PTPRD: variants seen among roughly 807,000 people sequenced by gnomAD.
The protein encoded by PTPRD is protein tyrosine phosphatase receptor type D.
In PTPRD, 34 loss-of-function variants were observed where a neutral mutation model predicts 214.5. That is an observed-to-expected ratio of 0.16 (90% CI 0.12 to 0.21). The LOEUF (loss-of-function observed/expected upper bound fraction) is 0.21, where lower values mean the gene tolerates loss of function less well. Ranked by LOEUF, PTPRD falls within the 10% of genes least tolerant of loss-of-function variation. The pLI, the probability that PTPRD is intolerant of heterozygous loss-of-function variation, is 1.00. For synonymous variants in PTPRD, 1,128 were observed against 845.7 expected (o/e 1.33, Z -5.79); for missense variants, 2,545 against 2,398.7 (o/e 1.06, Z -1.27).
intron 5 of PTPRD, among the ~76,000 whole-genome samples, chr9:9,781,661 G>A (rs993847705): frequency 6.6e-6 from 1 of 152,128 alleles, no homozygotes; most frequent in African/African-American, 2.4e-5. Flanking sequence ...AACTTTTGGA[G>A]TTTAGCCTTA....
chr9:9,318,526 A>G (rs1158098762), intron 9 of PTPRD, among the ~76,000 whole-genome samples: 1 of 152,208 alleles, frequency 6.6e-6, no homozygotes, highest in African/African-American at 2.4e-5. Flanking sequence ...TACAAAATGT[A>G]ATACTACTAG....
At chr9:8,582,557 G>T (rs1489230469) in intron 14 of PTPRD, among the ~76,000 whole-genome samples, 1 of 151,404 alleles carries the variant, frequency 6.6e-6, no homozygotes, top group Non-Finnish European at 1.5e-5. Context: ...TGAGAACAAT[G>T]ATATAATAGG....
At chr9:9,623,123 C>T (rs1364172453) in intron 7 of PTPRD, among the ~76,000 whole-genome samples, 1 of 152,124 alleles carries the variant, frequency 6.6e-6, no homozygotes, top group Non-Finnish European at 1.5e-5. Flanking sequence ...ATATATGTTG[C>T]CTTTCACAAT....
chr9:10,029,406 G>A (rs1367179041), intron 4 of PTPRD, among the ~76,000 whole-genome samples: 1 of 152,192 alleles, frequency 6.6e-6, no homozygotes, highest in Non-Finnish European at 1.5e-5. Context: ...AAAAGCCACA[G>A]ACACTCAATG....
chr9:8,540,029 C>A (rs1477299598), intron 14 of PTPRD, among the ~76,000 whole-genome samples: 1 of 152,046 alleles, frequency 6.6e-6, no homozygotes, highest in Non-Finnish European at 1.5e-5. Context: ...TTGTATAAAT[C>A]TGAGTATTTG....
At chr9:8,630,531 T>C (rs920747797) in intron 14 of PTPRD, among the ~76,000 whole-genome samples, 5 of 152,008 alleles carry the variant, frequency 3.3e-5, no homozygotes, top group Non-Finnish European at 4.4e-5. Flanking sequence ...ATTTTAAGAT[T>C]ATGTTTAGAC....
At chr9:9,968,293 A>G (rs1161169959) in intron 4 of PTPRD, among the ~76,000 whole-genome samples, 1 of 152,186 alleles carries the variant, frequency 6.6e-6, no homozygotes, top group Non-Finnish European at 1.5e-5. Flanking sequence ...AAAAGTGATA[A>G]TGACATTTCT....
rs563185070 is a variant in PTPRD, at chr9:10,230,743, T to C, written c.-545+110220A>G. 6.6e-5 allele frequency among the ~76,000 whole-genome samples: 10 copies of C among 152,142 alleles called. No individual in the cohort carries two copies. The South Asian group carries it at 1.5e-3, about 22-fold the overall frequency. On this transcript the variant is annotated intron_variant, in intron 3 of 45. Transcript: ENST00000381196. The stretch of plus-strand genomic sequence containing the variant: ...AGTTAAGGCACAGGATATAAAACTA[T>C]GTTCATTATGTGTACCAACCTATAA...
chr9:9,842,146 G>T (rs2058478591), intron 5 of PTPRD, among the ~76,000 whole-genome samples: 1 of 151,808 alleles, frequency 6.6e-6, no homozygotes, highest in Non-Finnish European at 1.5e-5. Flanking sequence ...AAACTAAGAA[G>T]AATATTGAGA....
At chr9:8,382,575 A>G (rs1046242470) in intron 37 of PTPRD, among the ~76,000 whole-genome samples, 1 of 152,226 alleles carries the variant, frequency 6.6e-6, no homozygotes, top group Non-Finnish European at 1.5e-5. Flanking sequence ...AACAAACAGC[A>G]AGAAATTGGT....
chr9:8,648,495 G>C (rs1470450146), intron 12 of PTPRD, among the ~76,000 whole-genome samples: 4 of 152,194 alleles, frequency 2.6e-5, no homozygotes, highest in Admixed American at 1.3e-4. Context: ...TTATGCCATA[G>C]TCATGCATTC....
chr9:8,986,677 T>G (rs1163037371), intron 11 of PTPRD, among the ~76,000 whole-genome samples: 2 of 152,082 alleles, frequency 1.3e-5, no homozygotes, highest in Non-Finnish European at 2.9e-5. Context: ...AACACAAATT[T>G]TGTAAAAACT....
At chr9:8,636,970 T>A in intron 12 of PTPRD, 126 bp from the exon 13 acceptor site, 1 of 883,348 alleles carries the variant, frequency 1.1e-6, no homozygotes, top group Non-Finnish European at 1.7e-6. Flanking sequence ...TACAATGCAC[T>A]ATGGGATTAC....
intron 2 of PTPRD, among the ~76,000 whole-genome samples, chr9:10,482,982 A>G (rs772110355): frequency 6.6e-6 from 1 of 152,218 alleles, no homozygotes; most frequent in African/African-American, 2.4e-5. Flanking sequence ...TAGCCAAGGC[A>G]ATCCTAAGCA....
chr9:8,556,099 G>C (rs1280853157), intron 14 of PTPRD, among the ~76,000 whole-genome samples: 1 of 152,156 alleles, frequency 6.6e-6, no homozygotes, highest in Non-Finnish European at 1.5e-5. Context: ...AGAATTTCAA[G>C]CTCTCTCGCC....
chr9:9,881,172 GTTTTT>G (rs1197648336), intron 5 of PTPRD, among the ~76,000 whole-genome samples: 1 of 151,888 alleles, frequency 6.6e-6, no homozygotes, highest in African/African-American at 2.4e-5. Context: ...AAAATTAGTA[GTTTTT>G]TTTAATTGGC....
chr9:9,825,828 T>A (rs962943569), intron 5 of PTPRD, among the ~76,000 whole-genome samples: 1 of 151,882 alleles, frequency 6.6e-6, no homozygotes, highest in African/African-American at 2.4e-5. Flanking sequence ...TTTTTAAAAT[T>A]ATAATTTTTC....
chr9:8,856,763 C>A (rs2097923213), intron 11 of PTPRD, among the ~76,000 whole-genome samples: 1 of 152,156 alleles, frequency 6.6e-6, no homozygotes, highest in Non-Finnish European at 1.5e-5. Context: ...TATCTGGAAT[C>A]CTGGAACACC....
chr9:9,047,411 T>G (rs2099674920), intron 10 of PTPRD, among the ~76,000 whole-genome samples: 1 of 152,074 alleles, frequency 6.6e-6, no homozygotes, highest in East Asian at 1.9e-4. Context: ...ATCCTAAAAT[T>G]TCTTTGGAAC....
Sources: gnomAD v4.1 joint callset for allele counts (sites outside exome capture counted in the v4.1 genomes callset) on GRCh38, gnomAD v4.1.1 for gene constraint, MANE v1.5 for transcripts, NCBI Gene and HGNC (gene_info 2026-07-23, HGNC 2026-07-21) for gene names.